IGF2BP2: variants seen among roughly 807,000 people sequenced by gnomAD.
IGF2BP2 encodes insulin-like growth factor 2 mRNA-binding protein 2.
In IGF2BP2, 17 loss-of-function variants were observed where a neutral mutation model predicts 75.8. The observed-to-expected ratio is 0.22, with a 90% CI of 0.15 to 0.34. IGF2BP2 has a LOEUF of 0.34. Ranked by LOEUF, IGF2BP2 falls within the 10% of genes least tolerant of loss-of-function variation. The probability of loss-of-function intolerance (pLI) is 1.00; values close to 1 mark genes in which losing one functional copy is unlikely to be tolerated. For synonymous variants in IGF2BP2, 288 were observed against 295.6 expected (o/e 0.97, Z 0.26); for missense variants, 516 against 772.4 (o/e 0.67, Z 3.93).
At position 185,649,525 on chromosome 3, in the gene IGF2BP2, G is replaced by C; in HGVS notation, c.1471C>G (p.Arg491Gly). 6.2e-7 allele frequency: 1 copy of C among 1,614,048 alleles called. No individual in the cohort carries two copies. The highest frequency in any genetic ancestry group is 8.5e-7 in the Non-Finnish European group (1 of 1,179,998). The change falls in exon 14 of 16, where the codon CGG becomes GGG. Residue 491 changes from arginine (R) to glycine (G), a missense_variant. Around this residue, in one of 3 missense-constraint regions of IGF2BP2, gnomAD observed 129 missense variants for 230.5 expected, o/e 0.56. Transcript: ENST00000382199. ...TCCTCTTTCAGTTTCCCAAAGATCC[G>C]TCCCTGGGCCTGAGAGAGCAAGACA... ...PPEAQFKAQG[R>G]IFGKLKEENF...
At chr3:185,695,387 T>G (rs767822845) in intron 4 of IGF2BP2, among the ~76,000 whole-genome samples, 1 of 152,174 alleles carries the variant, frequency 6.6e-6, no homozygotes, top group Non-Finnish European at 1.5e-5. Flanking sequence ...AGGTTCTCTT[T>G]GGGTAACACA....
rs538542242 is a variant in IGF2BP2 at position 185,772,972 on chromosome 3, C to T, written c.239+50181G>A. Among the ~76,000 whole-genome samples, 9 of 152,274 alleles carry T rather than the reference C, an allele frequency of 5.9e-5. No individual in the cohort carries two copies. The South Asian group carries it at 1.9e-3, about 32-fold the overall frequency. The stretch of plus-strand genomic sequence containing the variant: ...AATGAATGGGCAGAAGACTTCATCC[C>T]TGCTTCCCAAGCTCCAGGATTTAAA... On this transcript the variant is annotated intron_variant, in intron 2 of 15. Transcript: ENST00000382199.
At chr3:185,711,343 T>A (rs1447241299) in intron 2 of IGF2BP2, among the ~76,000 whole-genome samples, 4 of 152,190 alleles carry the variant, frequency 2.6e-5, no homozygotes, top group Non-Finnish European at 5.9e-5. Context: ...TCTAGGCTAG[T>A]GACATGTGCA....
intron 2 of IGF2BP2, among the ~76,000 whole-genome samples, chr3:185,706,517 C>T (rs988366575): frequency 6.6e-6 from 1 of 152,188 alleles, no homozygotes; most frequent in Non-Finnish European, 1.5e-5. Context: ...TACTCTTGGA[C>T]AAGATGGTGA....
At chr3:185,685,879 G>A (rs570481997) in intron 7 of IGF2BP2, among the ~76,000 whole-genome samples, 31 of 152,236 alleles carry the variant, frequency 2.0e-4, no homozygotes, top group African/African-American at 5.5e-4. Flanking sequence ...CCTAGCCTCC[G>A]GCGATCTTCC....
chr3:185,818,665 C>T (rs892776164), intron 2 of IGF2BP2, among the ~76,000 whole-genome samples: 1 of 152,192 alleles, frequency 6.6e-6, no homozygotes, highest in Non-Finnish European at 1.5e-5. Context: ...TGACCAATTG[C>T]TCATCTACTT....
chr3:185,735,972 T>C (rs1728803003), intron 2 of IGF2BP2, among the ~76,000 whole-genome samples: 1 of 152,172 alleles, frequency 6.6e-6, no homozygotes, highest in Non-Finnish European at 1.5e-5. Flanking sequence ...TTATCTCAAG[T>C]CCTAGCTCAG....
intron 2 of IGF2BP2, among the ~76,000 whole-genome samples, chr3:185,776,886 G>T (rs2149783648): frequency 6.6e-6 from 1 of 152,192 alleles, no homozygotes; most frequent in East Asian, 1.9e-4. Flanking sequence ...GCAGCTTATG[G>T]TAAAGACATA....
At position 185,803,501 on chromosome 3, in the gene IGF2BP2, TTC is replaced by T. The variant is rs1738560888; in HGVS notation, c.239+19650_239+19651del. 2.6e-5 allele frequency among the ~76,000 whole-genome samples: 4 copies of T among 152,274 alleles called. No individual in the cohort carries two copies. In the South Asian group the frequency reaches 8.3e-4, roughly 31 times the overall value. ...TATTCTGATCAAAGTTATTTTCACT[TTC>T]TGTTGATTAAAGAATACTGTATTGC... On this transcript the variant is annotated intron_variant, in intron 2 of 15. Coordinates refer to ENST00000382199, the MANE Select transcript of IGF2BP2 (RefSeq NM_006548.6).
At chr3:185,718,676 C>T (rs1194932983) in intron 2 of IGF2BP2, among the ~76,000 whole-genome samples, 2 of 104,790 alleles carry the variant, frequency 1.9e-5, no homozygotes, top group East Asian at 5.4e-4. Context: ...CAGAGCGAGA[C>T]TCTGTCTCAA....
At chr3:185,671,314 G>A (rs1718464885) in intron 10 of IGF2BP2, among the ~76,000 whole-genome samples, 5 of 152,254 alleles carry the variant, frequency 3.3e-5, no homozygotes, top group East Asian at 1.9e-4. Context: ...TTGGAAGGCC[G>A]AGGCAGGCAG....
At chr3:185,690,556 A>T (rs988844908) in intron 5 of IGF2BP2, among the ~76,000 whole-genome samples, 1 of 152,196 alleles carries the variant, frequency 6.6e-6, no homozygotes, top group Non-Finnish European at 1.5e-5. Context: ...TTTGCAACTG[A>T]TCCTTTATAG....
chr3:185,668,723 G>T (rs1438334169), intron 10 of IGF2BP2, among the ~76,000 whole-genome samples: 13 of 151,592 alleles, frequency 8.6e-5, no homozygotes, highest in Non-Finnish European at 1.8e-4. Context: ...ATGACAAGTG[G>T]TTAGCAGCCT....
chr3:185,781,412 AG>A (rs1735183317), intron 2 of IGF2BP2, among the ~76,000 whole-genome samples: 2 of 152,210 alleles, frequency 1.3e-5, no homozygotes, highest in African/African-American at 4.8e-5. Flanking sequence ...CCATTTCTAA[AG>A]GTAAGTGACA....
intron 2 of IGF2BP2, among the ~76,000 whole-genome samples, chr3:185,811,980 G>A (rs554741267): frequency 1.3e-5 from 2 of 152,112 alleles, no homozygotes; most frequent in African/African-American, 4.8e-5. Context: ...CTTGGCCATA[G>A]GGGAAGAAAT....
At chr3:185,649,601 G>A (rs1392018909) in intron 13 of IGF2BP2, 67 bp from the exon 14 acceptor site, 72 of 1,590,650 alleles carry the variant, frequency 4.5e-5, no homozygotes, top group Non-Finnish European at 5.8e-5. Context: ...TCAGTGCTGC[G>A]AAGGGCACTG....
rs980594103 is a variant in IGF2BP2, at chr3:185,652,105, C to A, written c.1450G>T (p.Ala484Ser). ...CCCTTGGCACTAACCTTGAACTGGG[C>A]TTCCGGTGGCCCGGTGATGATGACC... Reference protein sequence around the residue: ...RMVIITGPPEAQFKAQGRIFG... With the variant: ...RMVIITGPPESQFKAQGRIFG... The change falls in exon 13 of 16, where the codon GCC becomes TCC. Residue 484 changes from alanine (A) to serine (S), a missense_variant. Around this residue, in one of 3 missense-constraint regions of IGF2BP2, gnomAD observed 129 missense variants for 230.5 expected, o/e 0.56. Transcript: ENST00000382199. The A allele has an allele frequency of 6.2e-7, 1 of 1,612,614 alleles. No homozygotes were observed. Among genetic ancestry groups the A allele is most frequent in the Non-Finnish European group, 8.5e-7 (1 of 1,179,122 alleles).
At chr3:185,725,151 A>T (rs1383522756) in intron 2 of IGF2BP2, 1 of 152,248 alleles carries the variant, frequency 6.6e-6, no homozygotes, top group East Asian at 1.9e-4. Context: ...GGGCCAAGAC[A>T]AACCATCCCA....
rs368309867 is a variant in IGF2BP2, at chr3:185,687,027, G to T, written c.812+30C>A. On this transcript the variant is annotated intron_variant, in intron 7 of 15. Coordinates refer to ENST00000382199, the MANE Select transcript of IGF2BP2 (RefSeq NM_006548.6). ...GGAGAATCTACTCTTTTTCTCTGTT[G>T]AGTGATCTGGGCATTGCATGCAAAC... The T allele has an allele frequency of 2.1e-5, 34 of 1,600,640 alleles. No homozygotes were observed. The African/African-American group carries it at 4.1e-4, about 19-fold the overall frequency.
Sources: allele counts gnomAD v4.1 joint callset (sites outside exome capture counted in the v4.1 genomes callset), GRCh38; gene constraint gnomAD v4.1.1; regional missense constraint gnomAD v4.1.1; transcripts MANE v1.5; gene names NCBI Gene and HGNC (gene_info 2026-07-23, HGNC 2026-07-21).